CTSC: variants seen among roughly 807,000 people sequenced by gnomAD.
The protein encoded by CTSC is dipeptidyl peptidase 1.
CTSC carries 37 observed loss-of-function variants against 40.9 expected under a neutral mutation model. The observed-to-expected ratio is 0.91, with a 90% CI of 0.70 to 1.19. The LOEUF is 1.19. CTSC is among the 50% of genes most tolerant of loss of function. CTSC has a pLI of 0.00. For synonymous variants in CTSC, 232 were observed against 207.4 expected (o/e 1.12, Z -1.02); for missense variants, 594 against 567.3 (o/e 1.05, Z -0.48).
At chr11:88,303,863 GAGA>G (rs1053342957) in intron 4 of CTSC, among the ~76,000 whole-genome samples, 2 of 152,152 alleles carry the variant, frequency 1.3e-5, no homozygotes, top group African/African-American at 4.8e-5. Context: ...AGAAAGGCAG[GAGA>G]AGATTAGAGT....
chr11:88,300,606 C>G lies in CTSC; in HGVS notation c.681G>C (p.Lys227Asn), dbSNP rs1944348946. 1.9e-6 allele frequency: 3 copies of G among 1,613,870 alleles called. No individual in the cohort carries two copies. The highest frequency in any genetic ancestry group is 2.5e-6 in the Non-Finnish European group (3 of 1,179,782). ...CCCAAGATGTTGGCAAATGCAAAAT[C>G]TTTTGCTGTATTTCAGCAGTCAGTG... The part of the protein sequence containing the change: ...PAPLTAEIQQ[K>N]ILHLPTSWDW... Residue 227 changes from lysine to asparagine, a missense_variant, in exon 5 of 7, where the codon AAG becomes AAC. By Grantham distance (94) the Lys-to-Asn change is moderately conservative. Coordinates refer to ENST00000227266, the MANE Select transcript of CTSC (RefSeq NM_001814.6).
rs1401829285 is a variant in CTSC, at chr11:88,293,616, T to C, written c.*390A>G. 1 of 217,518 alleles carries C rather than the reference T, an allele frequency of 4.6e-6. No individual in the cohort carries two copies. The highest frequency in any genetic ancestry group is 9.3e-6 in the Non-Finnish European group (1 of 107,534). The allele number at this position is 217,518 out of a possible 1,614,324, so 13.5% of individuals were successfully genotyped here. ...ATGCAGTTATTTTTAAAACTTTATT[T>C]TAAAAATATGAGCATCTATTTTAAA... On this transcript the variant is annotated 3_prime_UTR_variant, in exon 7 of 7. Coordinates refer to ENST00000227266, the MANE Select transcript of CTSC (RefSeq NM_001814.6).
chr11:88,314,361 T>C (rs1007482266), intron 2 of CTSC, among the ~76,000 whole-genome samples: 1 of 152,176 alleles, frequency 6.6e-6, no homozygotes, highest in African/African-American at 2.4e-5. Context: ...CATCTGACTC[T>C]CTGAATTCAA....
At chr11:88,325,508 A>C in intron 2 of CTSC, 1 of 985,430 alleles carries the variant, frequency 1.0e-6, no homozygotes, top group Non-Finnish European at 1.2e-6. Context: ...TTCACTATTT[A>C]GCCCCAAGGA....
chr11:88,296,057 C>T (rs1364294552), intron 6 of CTSC, 76 bp downstream of exon 6: 23 of 1,504,224 alleles, frequency 1.5e-5, no homozygotes, highest in Non-Finnish European at 2.0e-5. Context: ...CTGCATCATC[C>T]TTTTGCCTTT....
intron 5 of CTSC, among the ~76,000 whole-genome samples, 166 bp downstream of exon 5, chr11:88,300,364 A>G (rs960952861): frequency 6.6e-6 from 1 of 152,196 alleles, no homozygotes; most frequent in Non-Finnish European, 1.5e-5. Context: ...AAAGTTTGTC[A>G]TGGATATAAA....
At chr11:88,326,485 C>A in intron 2 of CTSC, 9 of 1,184,092 alleles carry the variant, frequency 7.6e-6, no homozygotes, top group South Asian at 1.2e-5. Context: ...CAACAAGGAT[C>A]ATATTGTCTC....
At chr11:88,337,061 T>A (rs1166353123) in intron 1 of CTSC, among the ~76,000 whole-genome samples, 1 of 152,112 alleles carries the variant, frequency 6.6e-6, no homozygotes, top group Non-Finnish European at 1.5e-5. Context: ...TTTCCCACCA[T>A]CTAACAAAAA....
intron 2 of CTSC, chr11:88,326,354 A>G (rs1354718967): frequency 1.1e-5 from 18 of 1,613,748 alleles, no homozygotes; most frequent in Non-Finnish European, 1.4e-5. Context: ...GTAGGTCCAC[A>G]CTGTCGCAGG....
intron 2 of CTSC, among the ~76,000 whole-genome samples, chr11:88,318,004 C>A (rs1937917124): frequency 6.6e-6 from 1 of 152,106 alleles, no homozygotes; most frequent in African/African-American, 2.4e-5. Context: ...ATCAGCTATC[C>A]AATTAGATAT....
chr11:88,332,364 A>G (rs1412516013), intron 2 of CTSC, among the ~76,000 whole-genome samples: 1 of 152,200 alleles, frequency 6.6e-6, no homozygotes, highest in African/African-American at 2.4e-5. Flanking sequence ...TGAGTTACGC[A>G]TCCTTTCAAG....
At chr11:88,309,812 G>GCACACACA (rs746757518) in intron 3 of CTSC, among the ~76,000 whole-genome samples, 2 of 107,994 alleles carry the variant, frequency 1.9e-5, no homozygotes, top group South Asian at 2.6e-4. Context: ...ATATGTATGC[G>GCACACACA]CGCACACACA....
At chr11:88,333,888 T>C (rs1185019305) in intron 2 of CTSC, among the ~76,000 whole-genome samples, 2 of 78,330 alleles carry the variant, frequency 2.6e-5, no homozygotes, top group African/African-American at 3.3e-5. Flanking sequence ...CTATTTCATC[T>C]TTTTTTTTTC....
In CTSC at chr11:88,303,903, C is replaced by T. The variant is rs180716029; in HGVS notation, c.642-3258G>A. ...CTGCCCTGGGCAGGTGAGAGGAGGG[C>T]GGAAGAAGATCAGAGAGAGAGAGAG... On this transcript the variant is annotated intron_variant, in intron 4 of 6. Transcript: ENST00000227266. Among the ~76,000 whole-genome samples, 259 of 151,746 alleles carry T rather than the reference C, an allele frequency of 1.7e-3. 1 individual carries two copies. The highest frequency in any genetic ancestry group is 5.6e-3 in the African/African-American group (231 of 41,390).
chr11:88,321,189 T>A (rs927998460), intron 2 of CTSC: 7 of 241,154 alleles, frequency 2.9e-5, no homozygotes, highest in Non-Finnish European at 2.0e-5. Flanking sequence ...GATGTGCAGG[T>A]TTCTTACATA....
rs1482420752 is a variant in CTSC at position 88,294,237 on chromosome 11, G to A, written c.1161C>T (p.Ile387=). Residue 387 remains isoleucine, a synonymous_variant, in exon 7 of 7, where the codon ATC becomes ATT. Transcript: ENST00000227266. ...GGTCTCTTAGACCAGTGTGGTGGTAGATCCCCTTTTTGTAGTGGAGGAAGT... is the reference window on the plus strand; with the variant it reads ...GGTCTCTTAGACCAGTGTGGTGGTAAATCCCCTTTTTGTAGTGGAGGAAGT... The part of the protein sequence containing the change: ...YDDFLHYKKG[I]YHHTGLRDPF... 6.2e-7 allele frequency: 1 copy of A among 1,613,920 alleles called. No individual in the cohort carries two copies. Among genetic ancestry groups the A allele is most frequent in the Admixed American group, 1.7e-5 (1 of 59,958 alleles).
intron 4 of CTSC, among the ~76,000 whole-genome samples, chr11:88,307,839 T>C (rs1937667143): frequency 6.6e-6 from 1 of 152,150 alleles, no homozygotes; most frequent in African/African-American, 2.4e-5. Context: ...CACAGTCTCG[T>C]AATCACCCAA....
chr11:88,337,583 G>A lies in CTSC; in HGVS notation c.90C>T (p.Cys30=), dbSNP rs202160994. Residue 30 remains cysteine (C), a synonymous_variant, in exon 1 of 7, where the codon TGC becomes TGT. Transcript: ENST00000227266. The part of the protein sequence containing the change: ...GAVRCDTPAN[C]TYLDLLGTWV... ...AGGTGCCCAGCAGGTCAAGATAGGT[G>A]CAGTTGGCAGGTGTGTCGCAGCGCA... The A allele has an allele frequency of 9.0e-5, 142 of 1,577,740 alleles. No individual in the cohort carries two copies. The highest frequency in any genetic ancestry group is 2.0e-4 in the Admixed American group (11 of 55,106).
At chr11:88,295,990 G>T (rs937577611) in intron 6 of CTSC, 143 bp downstream of exon 6, 2 of 852,870 alleles carry the variant, frequency 2.3e-6, no homozygotes, top group East Asian at 2.5e-5. Flanking sequence ...CCATTAATAA[G>T]TGATAGGGCC....
Sources: gnomAD v4.1 joint callset for allele counts (sites outside exome capture counted in the v4.1 genomes callset) on GRCh38, gnomAD v4.1.1 for gene constraint, MANE v1.5 for transcripts, NCBI Gene and HGNC (gene_info 2026-07-23, HGNC 2026-07-21) for gene names.